RAD51B: variants seen among roughly 807,000 people sequenced by gnomAD.
RAD51B encodes the protein RAD51 paralog B.
RAD51B carries 38 observed loss-of-function variants against 42.2 expected under a neutral mutation model. That is an observed-to-expected ratio of 0.90 (90% CI 0.70 to 1.18). The LOEUF is 1.18. Ranked by LOEUF, RAD51B falls within the 50% of genes most tolerant of loss-of-function variation. The probability of loss-of-function intolerance (pLI) is 0.00; values close to 1 mark genes in which losing one functional copy is unlikely to be tolerated. For missense variants in RAD51B, 373 were observed against 400.7 expected, an observed-to-expected ratio of 0.93 and a Z score of 0.59; for synonymous variants, 154 against 145.2, an observed-to-expected ratio of 1.06 and a Z score of -0.43.
downstream of RAD51B, among the ~76,000 whole-genome samples, chr14:68,597,874 C>G (rs1190621605): frequency 2.7e-5 from 4 of 150,092 alleles, no homozygotes; most frequent in Non-Finnish European, 5.9e-5. Context: ...CTTGCCAGGT[C>G]ACAAGAAGGT....
In RAD51B at chr14:68,050,181, A is replaced by G. The variant is rs186153423; in HGVS notation, c.756+162977A>G. On this transcript the variant is annotated intron_variant, in intron 7 of 10. Transcript: ENST00000471583. ...TTATGGAAGCCATTTTTCCCCAACGAGATTATAGCTGTGATGGTAAAGCTG... is the reference window on the plus strand; with the variant it reads ...TTATGGAAGCCATTTTTCCCCAACGGGATTATAGCTGTGATGGTAAAGCTG... Among the ~76,000 whole-genome samples, 14 of 152,146 alleles carry G rather than the reference A, an allele frequency of 9.2e-5. No homozygotes were observed. The East Asian group carries it at 1.9e-3, about 21-fold the overall frequency.
intron 8 of RAD51B, among the ~76,000 whole-genome samples, chr14:68,407,282 A>G (rs965448827): frequency 1.3e-5 from 2 of 152,228 alleles, no homozygotes; most frequent in Non-Finnish European, 2.9e-5. Context: ...TTTTGTATTT[A>G]CTAAACTGGT....
At chr14:68,134,448 T>G (rs2077967024) in intron 7 of RAD51B, among the ~76,000 whole-genome samples, 1 of 152,218 alleles carries the variant, frequency 6.6e-6, no homozygotes, top group Non-Finnish European at 1.5e-5. Context: ...TTCATTTCTC[T>G]GGGATATGTA....
At chr14:68,478,452 G>A (rs1260415497), downstream of RAD51B, among the ~76,000 whole-genome samples, 1 of 152,198 alleles carries the variant, frequency 6.6e-6, no homozygotes, top group Non-Finnish European at 1.5e-5. Flanking sequence ...CAGTCAATTA[G>A]CAAATAAATC....
At chr14:68,270,833 G>A (rs2081091089) in intron 7 of RAD51B, among the ~76,000 whole-genome samples, 1 of 151,874 alleles carries the variant, frequency 6.6e-6, no homozygotes, top group African/African-American at 2.4e-5. Context: ...TCTCCTTGCA[G>A]TATGCATTTT....
chr14:67,979,581 C>T (rs966875110), intron 7 of RAD51B, among the ~76,000 whole-genome samples: 2 of 152,152 alleles, frequency 1.3e-5, no homozygotes, highest in African/African-American at 4.8e-5. Context: ...ACCCTAATCT[C>T]ACCAATATTT....
At chr14:67,870,738 C>T (rs1234095174) in intron 5 of RAD51B, among the ~76,000 whole-genome samples, 2 of 111,234 alleles carry the variant, frequency 1.8e-5, no homozygotes, top group Non-Finnish European at 3.6e-5. Context: ...CAAACTATCT[C>T]TCAGACCACA....
chr14:68,366,400 CA>C (rs2083143878), intron 8 of RAD51B, among the ~76,000 whole-genome samples: 2 of 152,110 alleles, frequency 1.3e-5, no homozygotes, highest in African/African-American at 4.8e-5. Flanking sequence ...AAGGAAACAA[CA>C]ACAACAAAAA....
In RAD51B at chr14:68,086,597, A is replaced by G. The variant is rs1236838926; in HGVS notation, c.756+199393A>G. ...AGGGAGGGCATGTGGGCTTGAGTAT[A>G]TTTAAATGCTGATAAGGAGTCAAGG... is the stretch of plus-strand genomic sequence containing the variant. On this transcript the variant is annotated intron_variant, in intron 7 of 10. Coordinates refer to ENST00000471583, the MANE Select transcript of RAD51B (RefSeq NM_133510.4). Among the ~76,000 whole-genome samples the G allele has an allele frequency of 2.0e-5, 3 of 152,070 alleles. No homozygotes were observed. The East Asian group carries it at 5.8e-4, about 29-fold the overall frequency.
At chr14:68,114,767 G>T (rs189022648) in intron 7 of RAD51B, among the ~76,000 whole-genome samples, 1 of 152,096 alleles carries the variant, frequency 6.6e-6, no homozygotes, top group Non-Finnish European at 1.5e-5. Flanking sequence ...CATATTATTT[G>T]TGTAAGTATT....
At chr14:67,996,552 G>A (rs1186472804) in intron 7 of RAD51B, among the ~76,000 whole-genome samples, 2 of 152,176 alleles carry the variant, frequency 1.3e-5, no homozygotes, top group African/African-American at 4.8e-5. Flanking sequence ...AACAGTCAGT[G>A]CAAAGGCTGC....
intron 7 of RAD51B, among the ~76,000 whole-genome samples, chr14:68,242,675 T>C (rs1036320335): frequency 7.9e-5 from 12 of 152,228 alleles, no homozygotes; most frequent in Non-Finnish European, 1.8e-4. Context: ...TAGCCACAAT[T>C]TACTGAGCCC....
At chr14:68,288,708 C>A (rs2081459554) in intron 7 of RAD51B, among the ~76,000 whole-genome samples, 3 of 152,164 alleles carry the variant, frequency 2.0e-5, no homozygotes, top group Non-Finnish European at 2.9e-5. Context: ...CATACAGTAC[C>A]TTTATATCTT....
At chr14:68,488,038 T>C (rs1358030916) in intron 10 of RAD51B, among the ~76,000 whole-genome samples, 1 of 151,914 alleles carries the variant, frequency 6.6e-6, no homozygotes, top group Non-Finnish European at 1.5e-5. Flanking sequence ...ATTGCTAAGC[T>C]AGGTGGGGAG....
chr14:67,883,206 G>A (rs2042966405), intron 5 of RAD51B, among the ~76,000 whole-genome samples: 1 of 151,414 alleles, frequency 6.6e-6, no homozygotes. Flanking sequence ...TCTTGCCCAA[G>A]CCTCTTCTCC....
rs2074856405 is a variant in RAD51B, at chr14:67,969,556, A to G, written c.756+82352A>G. Reference sequence around the variant, plus strand: ...TTAATTCAAGAAGAAAATTTGAAATATATAAGATGAGGGCATTAGGTGATC... The same window carrying G: ...TTAATTCAAGAAGAAAATTTGAAATGTATAAGATGAGGGCATTAGGTGATC... On this transcript the variant is annotated intron_variant, in intron 7 of 10. Coordinates refer to ENST00000471583, the MANE Select transcript of RAD51B (RefSeq NM_133510.4). 2.0e-5 allele frequency among the ~76,000 whole-genome samples: 3 copies of G among 152,182 alleles called. No individual in the cohort carries two copies. In the South Asian group the frequency reaches 6.2e-4, roughly 32 times the overall value.
chr14:67,996,034 A>C (rs1741138514), intron 7 of RAD51B, among the ~76,000 whole-genome samples: 1 of 151,970 alleles, frequency 6.6e-6, no homozygotes, highest in Admixed American at 6.6e-5. Flanking sequence ...AAAAAGAAAA[A>C]GTAGGGTGGG....
chr14:67,908,189 C>G (rs1290700971), intron 7 of RAD51B: 1 of 152,068 alleles, frequency 6.6e-6, no homozygotes, highest in African/African-American at 2.4e-5. Flanking sequence ...TTGCTTGGCC[C>G]CATGTTAGAG....
At chr14:68,433,964 C>T (rs533125096) in intron 9 of RAD51B, among the ~76,000 whole-genome samples, 21 of 152,334 alleles carry the variant, frequency 1.4e-4, no homozygotes, top group African/African-American at 4.3e-4. Flanking sequence ...TTCCTTCTAA[C>T]AGGACCCTCA....
Sources: gnomAD v4.1 joint callset for allele counts (sites outside exome capture counted in the v4.1 genomes callset) on GRCh38, gnomAD v4.1.1 for gene constraint, MANE v1.5 for transcripts, NCBI Gene and HGNC (gene_info 2026-07-23, HGNC 2026-07-21) for gene names.